Variants in GRIN2A observed in about 807,000 individuals in gnomAD.
GRIN2A encodes the protein glutamate ionotropic receptor NMDA type subunit 2A.
Under a neutral mutation model 113.4 loss-of-function variants are expected in GRIN2A, and 22 were observed. That is an observed-to-expected ratio of 0.19 (90% CI 0.14 to 0.28). GRIN2A has a LOEUF of 0.28. Among genes scored for constraint, GRIN2A ranks in the 10% least tolerant of loss-of-function variants. The pLI, the probability that GRIN2A is intolerant of heterozygous loss-of-function variation, is 1.00. For synonymous variants in GRIN2A, 827 were observed against 738.4 expected (o/e 1.12, Z -1.94); for missense variants, 1,502 against 1,887.0 (o/e 0.80, Z 3.78).
intron 2 of GRIN2A, among the ~76,000 whole-genome samples, chr16:10,029,329 G>A (rs938479004): frequency 2.6e-5 from 4 of 152,012 alleles, no homozygotes; most frequent in African/African-American, 7.2e-5. Flanking sequence ...CAAGTAGCTG[G>A]AATTACAGGC....
At position 9,764,507 on chromosome 16, in the gene GRIN2A, G is replaced by A. The variant is rs775262289; in HGVS notation, c.3037C>T (p.Leu1013=). The A allele has an allele frequency of 8.1e-6, 13 of 1,614,106 alleles. No individual in the cohort carries two copies. The South Asian group carries it at 9.9e-5, about 12-fold the overall frequency. Residue 1013 remains leucine (L), a synonymous_variant, in exon 13 of 13, where the codon CTG becomes TTG. Coordinates refer to ENST00000330684, the MANE Select transcript of GRIN2A (RefSeq NM_001134407.3). ...ATGGAATCCACGGATTTCTTCCACA[G>A]CTGCCGGGGTCTAGAGTTCGCTTTG... The part of the protein sequence containing the change: ...ESKANSRPRQ[L]WKKSVDSIRQ...
chr16:10,163,817 T>C (rs1373428663), intron 2 of GRIN2A, among the ~76,000 whole-genome samples: 1 of 152,080 alleles, frequency 6.6e-6, no homozygotes, highest in African/African-American at 2.4e-5. Flanking sequence ...TGTTTAAAAC[T>C]CATTTTACTG....
At chr16:10,059,889 C>T (rs1843424532) in intron 2 of GRIN2A, among the ~76,000 whole-genome samples, 1 of 151,996 alleles carries the variant, frequency 6.6e-6, no homozygotes, top group South Asian at 2.1e-4. Context: ...AGAGATAATA[C>T]AGGAAATTGG....
chr16:10,080,625 C>G lies in GRIN2A; in HGVS notation c.414+99373G>C, dbSNP rs115281533. Among the ~76,000 whole-genome samples the G allele has an allele frequency of 4.6e-3, 693 of 152,248 alleles. 3 individuals carry two copies. The highest frequency in any genetic ancestry group is 0.016 in the African/African-American group (659 of 41,526). ...TTGATGGATTTCTCCACGGCAGCAG[C>G]TATTTATCAGGGTAGATCTATACAC... On this transcript the variant is annotated intron_variant, in intron 2 of 12. Transcript: ENST00000330684.
At chr16:9,853,728 T>C in intron 4 of GRIN2A, among the ~76,000 whole-genome samples, 1 of 152,186 alleles carries the variant, frequency 6.6e-6, no homozygotes, top group Non-Finnish European at 1.5e-5. Flanking sequence ...TACTCCAATT[T>C]TTTTTTAATT....
At position 9,762,357 on chromosome 16, in the gene GRIN2A, A is replaced by C. The variant is rs190714217; in HGVS notation, c.*792T>G. 2.2e-4 allele frequency: 50 copies of C among 226,854 alleles called. No homozygotes were observed. Among genetic ancestry groups the C allele is most frequent in the African/African-American group, 1.1e-3 (48 of 45,074 alleles). The allele number at this position is 226,854 out of a possible 1,614,324, so 14.1% of individuals were successfully genotyped here. On this transcript the variant is annotated 3_prime_UTR_variant, in exon 13 of 13. Transcript: ENST00000330684. ...ATCCACACTTAGATCTCGGAGACAT[A>C]AATGTGTTAGTTTATGCAGCTCTGA... is the stretch of plus-strand genomic sequence containing the variant.
intron 2 of GRIN2A, chr16:10,111,789 G>T (rs1596518105): frequency 6.9e-7 from 1 of 1,442,988 alleles, no homozygotes; most frequent in Non-Finnish European, 9.7e-7. Flanking sequence ...CCAAGATCCG[G>T]CATGGCTTCT....
intron 3 of GRIN2A, among the ~76,000 whole-genome samples, chr16:9,894,839 A>G (rs1567161152): frequency 6.6e-6 from 1 of 152,158 alleles, no homozygotes; most frequent in Non-Finnish European, 1.5e-5. Flanking sequence ...CCATCTATAT[A>G]TCTACCCTTC....
At position 9,760,485 on chromosome 16, in the gene GRIN2A, A is replaced by G. The variant is rs980791860; in HGVS notation, c.*2664T>C. ...TGTAGCATAACATTTCTGATTATTTATTTGAAAAAACACTTCGGTCAGTGA... is the reference window on the plus strand; with the variant it reads ...TGTAGCATAACATTTCTGATTATTTGTTTGAAAAAACACTTCGGTCAGTGA... On this transcript the variant is annotated 3_prime_UTR_variant, in exon 13 of 13. Coordinates refer to ENST00000330684, the MANE Select transcript of GRIN2A (RefSeq NM_001134407.3). 1.0e-5 allele frequency: 2 copies of G among 190,834 alleles called. No homozygotes were observed. Among genetic ancestry groups the G allele is most frequent in the African/African-American group, 5.2e-5 (2 of 38,770 alleles). 11.8% of individuals were successfully genotyped at this position (190,834 alleles called of 1,614,324 possible). A position where few individuals can be genotyped will look rare whatever the true frequency, so the allele number is the denominator to read the frequency against.
intron 3 of GRIN2A, among the ~76,000 whole-genome samples, chr16:9,933,574 GTAAGACCT>G (rs1188903196): frequency 6.6e-6 from 1 of 152,184 alleles, no homozygotes; most frequent in Admixed American, 6.5e-5. Flanking sequence ...GCTTTGCAGA[GTAAGACCT>G]TAATCCAGCT....
At chr16:9,804,713 A>G (rs548277506) in intron 10 of GRIN2A, among the ~76,000 whole-genome samples, 1 of 152,094 alleles carries the variant, frequency 6.6e-6, no homozygotes, top group East Asian at 1.9e-4. Context: ...GCTTCACACC[A>G]TGAGGGCTGG....
chr16:9,981,589 T>C (rs966600899), intron 2 of GRIN2A, among the ~76,000 whole-genome samples: 1 of 152,202 alleles, frequency 6.6e-6, no homozygotes, highest in Non-Finnish European at 1.5e-5. Flanking sequence ...TATTTCAGTA[T>C]ACATCTCTAA....
intron 4 of GRIN2A, among the ~76,000 whole-genome samples, chr16:9,856,506 TC>T (rs1323663473): frequency 2.6e-5 from 4 of 151,060 alleles, no homozygotes; most frequent in African/African-American, 9.7e-5. Flanking sequence ...GCTCCTGTAG[TC>T]CCAGCTACTT....
chr16:10,049,440 C>G (rs1048112458), intron 2 of GRIN2A, among the ~76,000 whole-genome samples: 4 of 151,612 alleles, frequency 2.6e-5, no homozygotes, highest in South Asian at 4.2e-4. Context: ...TGCAGTGGTG[C>G]GATCTCGGCT....
chr16:10,155,339 G>A (rs2049667110), intron 2 of GRIN2A, among the ~76,000 whole-genome samples: 1 of 152,124 alleles, frequency 6.6e-6, no homozygotes, highest in Non-Finnish European at 1.5e-5. Context: ...TATCCTTGTT[G>A]GTCTTTTCAT....
intron 2 of GRIN2A, chr16:10,112,731 T>C (rs2048642868): frequency 5.5e-6 from 4 of 733,256 alleles, no homozygotes; most frequent in Non-Finnish European, 2.5e-6. Context: ...GGACAAAGGG[T>C]CCATTCAGAA....
intron 2 of GRIN2A, among the ~76,000 whole-genome samples, chr16:10,058,640 A>AT (rs1167372502): frequency 6.6e-6 from 1 of 152,342 alleles, no homozygotes; most frequent in Admixed American, 6.5e-5. Context: ...AAAATAAGCA[A>AT]TTTTTCCCCA....
intron 2 of GRIN2A, among the ~76,000 whole-genome samples, chr16:10,027,265 G>A (rs1232328070): frequency 2.0e-5 from 3 of 152,196 alleles, no homozygotes; most frequent in African/African-American, 7.2e-5. Context: ...TACAGATGAG[G>A]AAACTGAGGC....
At chr16:10,099,584 G>C (rs977367737) in intron 2 of GRIN2A, among the ~76,000 whole-genome samples, 2 of 152,060 alleles carry the variant, frequency 1.3e-5, no homozygotes, top group African/African-American at 4.8e-5. Flanking sequence ...TCCTCTGAGA[G>C]TAGGACGGGT....
Sources: gnomAD v4.1 joint callset for allele counts (sites outside exome capture counted in the v4.1 genomes callset) on GRCh38, gnomAD v4.1.1 for gene constraint, MANE v1.5 for transcripts, NCBI Gene and HGNC (gene_info 2026-07-23, HGNC 2026-07-21) for gene names.